Variants in FAM135B observed in about 807,000 individuals in gnomAD.
FAM135B encodes protein FAM135B.
A neutral mutation model predicts 127.7 loss-of-function variants in FAM135B; 43 were observed. The observed-to-expected ratio is 0.34, with a 90% confidence interval of 0.26 to 0.43. FAM135B has a LOEUF of 0.43. FAM135B is among the 20% of genes least tolerant of loss of function. The pLI, the probability that FAM135B is intolerant of heterozygous loss-of-function variation, is 1.00. For synonymous variants in FAM135B, 670 were observed against 665.1 expected, an observed-to-expected ratio of 1.01 and a Z score of -0.11; for missense variants, 1,558 against 1,725.6, an observed-to-expected ratio of 0.90 and a Z score of 1.72.
chr8:138,286,775 C>T (rs573047175), intron 3 of FAM135B, among the ~76,000 whole-genome samples: 1 of 152,204 alleles, frequency 6.6e-6, no homozygotes, highest in Non-Finnish European at 1.5e-5. Context: ...CCAAGGCACA[C>T]TCAGTCAGCA....
At chr8:138,156,922 G>A (rs966773039) in intron 12 of FAM135B, among the ~76,000 whole-genome samples, 9 of 152,142 alleles carry the variant, frequency 5.9e-5, no homozygotes, top group African/African-American at 1.7e-4. Context: ...TAGAAAAAGA[G>A]GGAATCCTCC....
intron 1 of FAM135B, chr8:138,425,372 T>C (rs1408934505): frequency 1.3e-5 from 2 of 152,172 alleles, no homozygotes; most frequent in East Asian, 3.9e-4. Context: ...CCACAAGCAT[T>C]TGCTTGGAAA....
intron 1 of FAM135B, among the ~76,000 whole-genome samples, chr8:138,433,780 A>T (rs995230025): frequency 6.6e-6 from 1 of 152,160 alleles, no homozygotes; most frequent in Non-Finnish European, 1.5e-5. Context: ...CCCAGTAAGA[A>T]GAGAGAATGG....
intron 7 of FAM135B, among the ~76,000 whole-genome samples, chr8:138,198,937 G>A (rs1816883494): frequency 6.6e-6 from 1 of 152,170 alleles, no homozygotes; most frequent in Non-Finnish European, 1.5e-5. Flanking sequence ...TGGCCGTGAC[G>A]GGAGGAGGCC....
At chr8:138,223,346 T>C (rs569139600) in intron 7 of FAM135B, among the ~76,000 whole-genome samples, 2 of 152,108 alleles carry the variant, frequency 1.3e-5, no homozygotes, top group African/African-American at 4.8e-5. Context: ...GGCAAGAAAA[T>C]AAGCAGTGAC....
At chr8:138,444,850 C>G (rs1412000318) in intron 1 of FAM135B, among the ~76,000 whole-genome samples, 1 of 152,044 alleles carries the variant, frequency 6.6e-6, no homozygotes, top group Non-Finnish European at 1.5e-5. Context: ...TCAAAAAAAT[C>G]AACGAATCCA....
At chr8:138,229,504 G>T (rs941548541) in intron 7 of FAM135B, among the ~76,000 whole-genome samples, 1 of 152,064 alleles carries the variant, frequency 6.6e-6, no homozygotes, top group African/African-American at 2.4e-5. Flanking sequence ...AGTAACAAAC[G>T]ACCCTAAACT....
At chr8:138,158,577 A>G (rs960154649) in intron 12 of FAM135B, among the ~76,000 whole-genome samples, 4 of 152,226 alleles carry the variant, frequency 2.6e-5, no homozygotes, top group African/African-American at 9.6e-5. Context: ...TCTACAAAGA[A>G]CTTAAACAAA....
chr8:138,285,784 G>A (rs969247840), intron 3 of FAM135B, among the ~76,000 whole-genome samples: 3 of 152,178 alleles, frequency 2.0e-5, no homozygotes, highest in African/African-American at 7.2e-5. Context: ...CTAAACCAAA[G>A]CCATCAATAC....
At chr8:138,425,587 T>A (rs1834795131) in intron 1 of FAM135B, 1 of 152,062 alleles carries the variant, frequency 6.6e-6, no homozygotes, top group African/African-American at 2.4e-5. Context: ...TCTCATTGGC[T>A]TAAATGAACA....
At chr8:138,425,627 A>C (rs1408811081) in intron 1 of FAM135B, 1 of 152,090 alleles carries the variant, frequency 6.6e-6, no homozygotes, top group Non-Finnish European at 1.5e-5. Flanking sequence ...AGTGTAATGG[A>C]GAAGAAAGAG....
intron 1 of FAM135B, among the ~76,000 whole-genome samples, chr8:138,389,591 C>T (rs1206464196): frequency 6.6e-6 from 1 of 152,182 alleles, no homozygotes; most frequent in African/African-American, 2.4e-5. Flanking sequence ...TGTATGATTT[C>T]ATTCATAATA....
In FAM135B at chr8:138,242,681, C is replaced by T. The variant is rs1481258738; in HGVS notation, c.669+261G>A. Among the ~76,000 whole-genome samples the T allele has an allele frequency of 1.3e-5, 2 of 152,104 alleles. No homozygotes were observed. Among genetic ancestry groups the T allele is most frequent in the Non-Finnish European group, 2.9e-5 (2 of 68,026 alleles). The stretch of plus-strand genomic sequence containing the variant: ...CACAGCCTCCTGACCTACAGAGAAC[C>T]ATATTCTTCCAAGAGACCACATATA... On this transcript the variant is annotated intron_variant, in intron 7 of 19. Coordinates refer to ENST00000395297, the MANE Select transcript of FAM135B (RefSeq NM_015912.4). This position sits in a 1 kb window ranked among gnomAD's most constrained non-coding sequence, Gnocchi z 9.6.
chr8:138,390,453 C>CACAT lies in FAM135B; in HGVS notation c.-19-22455_-19-22452dup, dbSNP rs143451997. 7.6e-3 allele frequency among the ~76,000 whole-genome samples: 1,150 copies of CACAT among 152,234 alleles called. 11 individuals carry two copies. Among genetic ancestry groups the CACAT allele is most frequent in the African/African-American group, 0.026 (1,064 of 41,530 alleles). ...GCCATGATTGTGAGGCCTCCCCACC[C>CACAT]ACATGGAACTGTGAGTCCATCACAC... On this transcript the variant is annotated intron_variant, in intron 1 of 19. Transcript: ENST00000395297.
rs143336227 is a variant in FAM135B, at chr8:138,201,653, G to A, written c.670-3984C>T. On this transcript the variant is annotated intron_variant, in intron 7 of 19. Coordinates refer to ENST00000395297, the MANE Select transcript of FAM135B (RefSeq NM_015912.4). ...CATGAAGAGCATTGAAAAACCCTGC[G>A]CCATTTTCCCTAGCACAAAGCAGTA... Among the ~76,000 whole-genome samples the A allele has an allele frequency of 7.2e-5, 11 of 152,176 alleles. No homozygotes were observed. In the South Asian group the frequency reaches 8.3e-4, roughly 11 times the overall value.
intron 1 of FAM135B, among the ~76,000 whole-genome samples, chr8:138,408,661 G>A (rs112389809): frequency 0.018 from 2,665 of 152,260 alleles, 74 homozygotes; most frequent in African/African-American, 0.06. Flanking sequence ...CATGGCAGAA[G>A]GTGAAGGGGA....
chr8:138,195,231 A>G (rs1279952296), intron 9 of FAM135B, 27 bp downstream of exon 9: 2 of 1,610,140 alleles, frequency 1.2e-6, no homozygotes, highest in African/African-American at 1.3e-5. Flanking sequence ...CCATTCATTC[A>G]GACCCCAGCG....
At chr8:138,372,449 T>C (rs1217052578) in intron 1 of FAM135B, among the ~76,000 whole-genome samples, 1 of 152,186 alleles carries the variant, frequency 6.6e-6, no homozygotes, top group Non-Finnish European at 1.5e-5. Flanking sequence ...TTAGCCTTCC[T>C]TGTGGACACT....
chr8:138,328,451 CA>C (rs1321191539), intron 2 of FAM135B, among the ~76,000 whole-genome samples: 2 of 152,072 alleles, frequency 1.3e-5, no homozygotes, highest in Non-Finnish European at 2.9e-5. Context: ...CTTAGCTTTC[CA>C]ATAATGGAAC....
Sources: allele counts gnomAD v4.1 joint callset (sites outside exome capture counted in the v4.1 genomes callset), GRCh38; gene constraint gnomAD v4.1.1; non-coding constraint Gnocchi (gnomAD v3.1); transcripts MANE v1.5; gene names NCBI Gene and HGNC (gene_info 2026-07-23, HGNC 2026-07-21).